EIF3I: variants seen among roughly 807,000 people sequenced by gnomAD.
The protein encoded by EIF3I is TGF-beta receptor-interacting protein 1.
EIF3I carries 20 observed loss-of-function variants against 43.3 expected under a neutral mutation model. The observed-to-expected ratio is 0.46, with a 90% CI of 0.32 to 0.67. The LOEUF (loss-of-function observed/expected upper bound fraction) is 0.67. Among genes scored for constraint, EIF3I ranks in the 30% least tolerant of loss-of-function variants. The pLI is 0.03. For synonymous variants in EIF3I, 167 were observed against 151.7 expected (o/e 1.10, Z -0.74); for missense variants, 279 against 421.4 (o/e 0.66, Z 2.96).
At position 32,224,193 on chromosome 1, in the gene EIF3I, G is replaced by A. The variant is rs1639101306; in HGVS notation, c.184+72G>A. ...GATGGAGAGGCTGAGTTGGGAGTTG[G>A]GAGTTGGGGGTGCTGTTGAGGGCCT... On this transcript the variant is annotated intron_variant, in intron 3 of 11. Coordinates refer to ENST00000676679, the Ensembl canonical transcript of EIF3I. 1.3e-5 allele frequency: 19 copies of A among 1,486,356 alleles called. 1 individual carries two copies. In the Admixed American group the frequency reaches 3.2e-4, roughly 25 times the overall value. The allele number at this position is 1,486,356 out of a possible 1,614,324, so 92.1% of individuals were successfully genotyped here.
intron 6 of EIF3I, among the ~76,000 whole-genome samples, chr1:32,228,287 G>T (rs995889769): frequency 3.3e-5 from 5 of 152,186 alleles, no homozygotes; most frequent in Non-Finnish European, 7.3e-5. Context: ...TGCAGTTTAT[G>T]TTTGGAGAGT....
At chr1:32,229,081 A>G in intron 8 of EIF3I, 54 bp from the exon 9 acceptor site, 1 of 1,566,946 alleles carries the variant, frequency 6.4e-7, no homozygotes, top group Non-Finnish European at 8.7e-7. Flanking sequence ...GCAGAAAAAC[A>G]CAAAATGGAC....
chr1:32,235,608 C>A (rs929185094), downstream of EIF3I, among the ~76,000 whole-genome samples: 3 of 152,122 alleles, frequency 2.0e-5, no homozygotes, highest in Non-Finnish European at 2.9e-5. Flanking sequence ...CATGAGCCAC[C>A]GCGCCCAGCC....
downstream of EIF3I, among the ~76,000 whole-genome samples, chr1:32,232,845 A>G (rs1019008438): frequency 6.6e-6 from 1 of 152,186 alleles, no homozygotes; most frequent in African/African-American, 2.4e-5. Flanking sequence ...GAGCAACAGA[A>G]GATAACTAAA....
intron 8 of EIF3I, 23 bp from the exon 9 acceptor site, chr1:32,229,112 C>T: frequency 6.2e-7 from 1 of 1,606,856 alleles, no homozygotes; most frequent in African/African-American, 1.3e-5. Context: ...TTGGTCCCAT[C>T]TAGAGTTTCT....
intron 6 of EIF3I, among the ~76,000 whole-genome samples, chr1:32,227,171 TG>T (rs1204387558): frequency 6.7e-6 from 1 of 148,774 alleles, no homozygotes; most frequent in Non-Finnish European, 1.5e-5. Flanking sequence ...CCAGTGCCTT[TG>T]GGGGCCAAGG....
At chr1:32,227,331 G>A (rs1162036138) in intron 6 of EIF3I, among the ~76,000 whole-genome samples, 1 of 149,752 alleles carries the variant, frequency 6.7e-6, no homozygotes, top group African/African-American at 2.5e-5. Flanking sequence ...GAGCAGAGGT[G>A]AGATTCAAAT....
chr1:32,231,327 CTAAAAATACAA>C (rs562315898), exon 12 of EIF3I: 23 of 794,792 alleles, frequency 2.9e-5, no homozygotes, highest in Non-Finnish European at 4.4e-5. Flanking sequence ...CTCGTCTCTA[CTAAAAATACAA>C]AAATTAGCCA....
chr1:32,225,299 G>C (rs191220201), intron 4 of EIF3I, among the ~76,000 whole-genome samples: 4 of 152,330 alleles, frequency 2.6e-5, no homozygotes, highest in African/African-American at 9.6e-5. Context: ...TTAGTGCCAG[G>C]TCTATGCTGG....
At chr1:32,229,167 T>C (rs1450654536) in exon 9 of EIF3I, 1 of 1,614,032 alleles carries the variant, frequency 6.2e-7, no homozygotes, top group Non-Finnish European at 8.5e-7. Flanking sequence ...AAGCCATGGA[T>C]GTAACCACAA....
intron 2 of EIF3I, among the ~76,000 whole-genome samples, chr1:32,223,624 A>G (rs1230304073): frequency 6.6e-6 from 1 of 152,136 alleles, no homozygotes; most frequent in Admixed American, 6.5e-5. Flanking sequence ...TTCAGAGGAG[A>G]GAAGCACTGT....
At chr1:32,231,549 G>A (rs1639237691), downstream of EIF3I, 1 of 189,348 alleles carries the variant, frequency 5.3e-6, no homozygotes, top group African/African-American at 2.4e-5. Context: ...TCTCACAGAA[G>A]GTTTTGAACT....
At chr1:32,226,175 G>A (rs1639143337) in exon 5 of EIF3I, 2 of 1,614,088 alleles carry the variant, frequency 1.2e-6, no homozygotes, top group Non-Finnish European at 1.7e-6. Flanking sequence ...CTCCAGGAAA[G>A]CAGCTGGCCC....
chr1:32,224,373 C>T (rs546350276), intron 3 of EIF3I, 37 bp from the exon 4 acceptor site: 24 of 1,583,634 alleles, frequency 1.5e-5, no homozygotes, highest in South Asian at 6.6e-5. Flanking sequence ...GACAAGGGCT[C>T]GGGTGAACTT....
intron 3 of EIF3I, 49 bp from the exon 4 acceptor site, chr1:32,224,361 A>C (rs1346912255): frequency 6.5e-7 from 1 of 1,526,772 alleles, no homozygotes; most frequent in East Asian, 2.3e-5. Context: ...GCATCCCAAG[A>C]GGACAAGGGC....
chr1:32,226,100 G>A (rs1355495946), intron 4 of EIF3I, 71 bp from the exon 5 acceptor site: 1 of 1,559,958 alleles, frequency 6.4e-7, no homozygotes, highest in African/African-American at 1.4e-5. Flanking sequence ...GAGATGTGAT[G>A]GTAGCATTCT....
At chr1:32,224,144 T>G (rs1463859588) in intron 3 of EIF3I, 23 bp downstream of exon 3, 17 of 1,612,094 alleles carry the variant, frequency 1.1e-5, no homozygotes, top group Admixed American at 6.7e-5. Flanking sequence ...TGGGTCTGAG[T>G]CCGTGTTGCT....
At chr1:32,231,008 T>G (rs1358162125) in exon 11 of EIF3I, 4 of 1,612,942 alleles carry the variant, frequency 2.5e-6, no homozygotes, top group Non-Finnish European at 3.4e-6. Context: ...CCTTCCATCC[T>G]GATGGCAAGA....
Position 32,226,243 on chromosome 1 carries a change from T to C in EIF3I, c.323T>C (p.Ile108Thr). 2 of 1,614,032 alleles carry C rather than the reference T, an allele frequency of 1.2e-6. No homozygotes were observed. Among genetic ancestry groups the C allele is most frequent in the East Asian group, 4.5e-5 (2 of 44,858 alleles). The change falls in exon 5 of 12, where the codon ATC (isoleucine) becomes ACC (threonine). Residue 108 changes from isoleucine to threonine, a missense_variant. Ile to Thr is a moderately conservative substitution (Grantham distance 89). Coordinates refer to ENST00000676679, the Ensembl canonical transcript of EIF3I. ...GGTTTTGACTTTGGGGGCAACATCATCATGTTCTCCACGGACAAGCAGATG... is the reference window on the plus strand; with the variant it reads ...GGTTTTGACTTTGGGGGCAACATCACCATGTTCTCCACGGACAAGCAGATG...
Sources: allele counts gnomAD v4.1 joint callset (sites outside exome capture counted in the v4.1 genomes callset), GRCh38; gene constraint gnomAD v4.1.1; transcripts MANE v1.5; gene names NCBI Gene and HGNC (gene_info 2026-07-23, HGNC 2026-07-21).